The following SUCLG2 variants were observed in gnomAD, a reference collection of about 807,000 sequenced individuals.
SUCLG2 encodes the protein succinate-CoA ligase GDP-forming subunit beta, also known as succinate--CoA ligase [GDP-forming] subunit beta, mitochondrial.
A neutral mutation model predicts 47.9 loss-of-function variants in SUCLG2; 42 were observed. The observed-to-expected ratio is 0.88, with a 90% CI of 0.69 to 1.14. SUCLG2 has a LOEUF of 1.14. Ranked by LOEUF, SUCLG2 falls within the 50% of genes most tolerant of loss-of-function variation. SUCLG2 has a pLI of 0.00. For missense variants in SUCLG2, 571 were observed against 525.9 expected, an observed-to-expected ratio of 1.09 and a Z score of -0.84; for synonymous variants, 195 against 197.3, an observed-to-expected ratio of 0.99 and a Z score of 0.10.
rs1220713267 is a variant in SUCLG2 at position 67,444,364 on chromosome 3, G to A, written c.1063-43513C>T. 3.0e-3 allele frequency among the ~76,000 whole-genome samples: 189 copies of A among 62,094 alleles called. 2 individuals are homozygous for A. The highest frequency in any genetic ancestry group is 0.011 in the African/African-American group (185 of 16,596). The allele number at this position is 62,094 out of a possible 152,430, so 40.7% of individuals were successfully genotyped here. A position where few individuals can be genotyped will look rare whatever the true frequency, so the allele number is the denominator to read the frequency against. On this transcript the variant is annotated intron_variant, in intron 9 of 10. Coordinates refer to ENST00000307227, the MANE Select transcript of SUCLG2 (RefSeq NM_003848.4). ...GGGTTAGCCCCCCGCCTGGCCAGCC[G>A]CCCCGTCCGGGAGGGAGGTGGGGGG... is the stretch of plus-strand genomic sequence containing the variant.
chr3:67,555,578 T>C (rs1707137653), intron 2 of SUCLG2, among the ~76,000 whole-genome samples: 1 of 152,112 alleles, frequency 6.6e-6, no homozygotes, highest in Non-Finnish European at 1.5e-5. Flanking sequence ...AAGTTGACAT[T>C]GAGATATCTT....
At chr3:67,384,439 A>G (rs1702219779) in intron 10 of SUCLG2, among the ~76,000 whole-genome samples, 1 of 152,182 alleles carries the variant, frequency 6.6e-6, no homozygotes, top group African/African-American at 2.4e-5. Context: ...TCCTCTACCT[A>G]TTGTCTACTG....
intron 2 of SUCLG2, among the ~76,000 whole-genome samples, chr3:67,531,973 T>A (rs1012928424): frequency 3.9e-5 from 6 of 152,188 alleles, no homozygotes; most frequent in African/African-American, 1.4e-4. Flanking sequence ...TCTGTTTTTA[T>A]TTAACATTGC....
At chr3:67,635,446 T>A (rs1700993636) in intron 1 of SUCLG2, among the ~76,000 whole-genome samples, 1 of 152,206 alleles carries the variant, frequency 6.6e-6, no homozygotes, top group South Asian at 2.1e-4. Context: ...GAGTGATTCA[T>A]GGGTGACACA....
intron 5 of SUCLG2, among the ~76,000 whole-genome samples, chr3:67,519,380 A>G (rs1706035366): frequency 6.6e-6 from 1 of 152,210 alleles, no homozygotes; most frequent in Non-Finnish European, 1.5e-5. Context: ...TCTGAAACGT[A>G]CATATAGCTC....
chr3:67,541,269 A>T (rs982811355), intron 2 of SUCLG2, among the ~76,000 whole-genome samples: 7 of 152,196 alleles, frequency 4.6e-5, no homozygotes, highest in Non-Finnish European at 1.0e-4. Context: ...TGAACTAAAG[A>T]AGCACGTTAT....
intron 2 of SUCLG2, among the ~76,000 whole-genome samples, chr3:67,533,504 AG>A (rs1706456167): frequency 6.6e-6 from 1 of 152,206 alleles, no homozygotes; most frequent in African/African-American, 2.4e-5. Context: ...TTCCTAATTG[AG>A]AAAGTTAAAT....
At chr3:67,418,000 CA>C (rs1575681969) in intron 9 of SUCLG2, among the ~76,000 whole-genome samples, 1 of 152,096 alleles carries the variant, frequency 6.6e-6, no homozygotes, top group Non-Finnish European at 1.5e-5. Context: ...ACATAAGATA[CA>C]AAGATAAATA....
intron 9 of SUCLG2, among the ~76,000 whole-genome samples, chr3:67,422,472 T>TAAAAAAAAAAAAAAAAA (rs1559520249): frequency 1.1e-3 from 14 of 12,324 alleles, no homozygotes; most frequent in African/African-American, 5.2e-3. Context: ...AGACTCCATC[T>TAAAAAAAAAAAAAAAAA]CAAAAAAAAA....
At chr3:67,595,749 C>A (rs78502729) in intron 2 of SUCLG2, among the ~76,000 whole-genome samples, 1,568 of 152,226 alleles carry the variant, frequency 0.01, 30 homozygotes, top group African/African-American at 0.035. Flanking sequence ...TGAGATAAAG[C>A]AGGATAAACA....
intron 10 of SUCLG2, among the ~76,000 whole-genome samples, chr3:67,394,163 C>A (rs1455151077): frequency 1.3e-5 from 2 of 152,166 alleles, no homozygotes; most frequent in Admixed American, 6.5e-5. Flanking sequence ...CAGAACAAAG[C>A]TGGACGGAGA....
At chr3:67,411,711 A>C (rs1702936972) in intron 9 of SUCLG2, among the ~76,000 whole-genome samples, 1 of 152,132 alleles carries the variant, frequency 6.6e-6, no homozygotes, top group Admixed American at 6.6e-5. Flanking sequence ...ATTTCCCCAA[A>C]TCCCCACCTT....
chr3:67,404,076 C>A (rs1454250393), intron 9 of SUCLG2, among the ~76,000 whole-genome samples: 5 of 151,994 alleles, frequency 3.3e-5, no homozygotes, highest in African/African-American at 9.7e-5. Context: ...AGTAGAGAGG[C>A]GATTTTGCCA....
At chr3:67,563,766 T>G (rs1444452347) in intron 2 of SUCLG2, among the ~76,000 whole-genome samples, 1 of 152,110 alleles carries the variant, frequency 6.6e-6, no homozygotes, top group African/African-American at 2.4e-5. Flanking sequence ...GAGACCATCC[T>G]GGTTAACACG....
chr3:67,645,131 C>A (rs2107376563), intron 1 of SUCLG2, among the ~76,000 whole-genome samples: 1 of 152,110 alleles, frequency 6.6e-6, no homozygotes, highest in South Asian at 2.1e-4. Context: ...CACTTGGGGC[C>A]CTTTAACATA....
At chr3:67,471,874 T>C (rs1704614546) in intron 9 of SUCLG2, among the ~76,000 whole-genome samples, 1 of 152,112 alleles carries the variant, frequency 6.6e-6, no homozygotes, top group Non-Finnish European at 1.5e-5. Flanking sequence ...AGTAGTTTCG[T>C]GAGAGGTGAG....
At position 67,578,805 on chromosome 3, in the gene SUCLG2, A is replaced by C. The variant is rs149278811; in HGVS notation, c.226+30650T>G. Among the ~76,000 whole-genome samples the C allele has an allele frequency of 6.9e-3, 1,053 of 152,314 alleles. 29 individuals are homozygous for C. The highest frequency in any genetic ancestry group is 0.063 in the Admixed American group (967 of 15,302). On this transcript the variant is annotated intron_variant, in intron 2 of 10. Coordinates refer to ENST00000307227, the MANE Select transcript of SUCLG2 (RefSeq NM_003848.4). ...TTCTCTCACTGGTCAAAGTCAGTCAAACATTAGCGGGAACAGCCTGAGACC... is the reference window on the plus strand; with the variant it reads ...TTCTCTCACTGGTCAAAGTCAGTCACACATTAGCGGGAACAGCCTGAGACC...
At chr3:67,460,411 A>G (rs534449274) in intron 9 of SUCLG2, among the ~76,000 whole-genome samples, 1 of 152,326 alleles carries the variant, frequency 6.6e-6, no homozygotes, top group African/African-American at 2.4e-5. Context: ...ATAATACCTT[A>G]TTCTCATCAA....
intron 2 of SUCLG2, 30 bp downstream of exon 2, chr3:67,609,425 G>A: frequency 5.0e-6 from 8 of 1,597,536 alleles, no homozygotes; most frequent in Non-Finnish European, 6.8e-6. Flanking sequence ...ATTTGGGCAA[G>A]TGTATTTCAC....
Sources: gnomAD v4.1 joint callset for allele counts (sites outside exome capture counted in the v4.1 genomes callset) on GRCh38, gnomAD v4.1.1 for gene constraint, MANE v1.5 for transcripts, NCBI Gene and HGNC (gene_info 2026-07-23, HGNC 2026-07-21) for gene names.